The following CCDC141 variants were observed in gnomAD, a reference collection of about 807,000 sequenced individuals.
CCDC141 encodes coiled-coil domain containing 141.
CCDC141 carries 168 observed loss-of-function variants against 181.0 expected under a neutral mutation model. The ratio of observed to expected loss-of-function variants is 0.93; its 90% CI spans 0.82 to 1.05. CCDC141 has a LOEUF of 1.05. Ranked by LOEUF, CCDC141 falls within the 50% of genes least tolerant of loss-of-function variation. The pLI, the probability that CCDC141 is intolerant of heterozygous loss-of-function variation, is 0.00. For synonymous variants in CCDC141, 666 were observed against 642.3 expected (o/e 1.04, Z -0.56); for missense variants, 1,902 against 1,788.5 (o/e 1.06, Z -1.14).
At chr2:178,994,370 G>A (rs1186404083) in intron 2 of CCDC141, among the ~76,000 whole-genome samples, 3 of 152,226 alleles carry the variant, frequency 2.0e-5, no homozygotes, top group Non-Finnish European at 4.4e-5. Context: ...CAAGGTTTCA[G>A]GTTTGCACCT....
At chr2:179,013,354 A>C (rs1187616677) in intron 2 of CCDC141, among the ~76,000 whole-genome samples, 1 of 152,006 alleles carries the variant, frequency 6.6e-6, no homozygotes, top group Admixed American at 6.6e-5. Flanking sequence ...CAAGAACTAA[A>C]CCCCTTTTAC....
chr2:178,837,339 A>G lies in CCDC141; in HGVS notation c.3880T>C (p.Phe1294Leu). The G allele has an allele frequency of 6.2e-7, 1 of 1,614,074 alleles. No homozygotes were observed. Among genetic ancestry groups the G allele is most frequent in the Non-Finnish European group, 8.5e-7 (1 of 1,179,984 alleles). ...SSHFERPYLQ[F>L]KAEPPLTSRG... ...GAGGTTAGTGGGGGCTCAGCTTTGA[A>G]CTGGAGGTAAGGCCTCTCAAAATGA... Residue 1294 changes from phenylalanine (F) to leucine (L), a missense_variant, in exon 23 of 24, where the codon TTC becomes CTC. Physicochemically the swap from Phe to Leu is conservative, Grantham distance 22. Coordinates refer to ENST00000443758, the MANE Select transcript of CCDC141 (RefSeq NM_173648.4).
chr2:178,959,098 A>G (rs1345288634), intron 5 of CCDC141, among the ~76,000 whole-genome samples: 1 of 150,200 alleles, frequency 6.7e-6, no homozygotes, highest in African/African-American at 2.4e-5. Context: ...AACAATGAGA[A>G]CACTTGGACA....
chr2:178,842,184 G>A (rs114260344), intron 22 of CCDC141, among the ~76,000 whole-genome samples: 1,800 of 152,252 alleles, frequency 0.012, 11 homozygotes, highest in Non-Finnish European at 0.017. Flanking sequence ...AAAATAGCTG[G>A]GAAACTCTGA....
rs185405369 is a variant in CCDC141, at chr2:178,846,571, C to T, written c.3358-829G>A. Among the ~76,000 whole-genome samples the T allele has an allele frequency of 2.1e-3, 317 of 152,298 alleles. 1 individual carries two copies. The highest frequency in any genetic ancestry group is 7.1e-3 in the African/African-American group (296 of 41,556). Reference sequence around the variant, plus strand: ...TACTGGGGAGATTCTGCTTTCAGTCCCAACTCTAAACCGAACTGGTTTGTG... The same window carrying T: ...TACTGGGGAGATTCTGCTTTCAGTCTCAACTCTAAACCGAACTGGTTTGTG... On this transcript the variant is annotated intron_variant, in intron 21 of 23. Transcript: ENST00000443758.
At chr2:179,014,813 G>T in intron 2 of CCDC141, among the ~76,000 whole-genome samples, 1 of 151,650 alleles carries the variant, frequency 6.6e-6, no homozygotes, top group African/African-American at 2.4e-5. Flanking sequence ...ACACTTCTAC[G>T]CTGCTGGTGG....
intron 12 of CCDC141, chr2:178,874,435 A>G (rs866482567): frequency 6.6e-6 from 1 of 152,332 alleles, no homozygotes; most frequent in East Asian, 1.9e-4. Context: ...ATGATAACCT[A>G]AGTTTATTTA....
intron 14 of CCDC141, among the ~76,000 whole-genome samples, chr2:178,870,113 T>C (rs1307218992): frequency 6.6e-6 from 1 of 150,712 alleles, no homozygotes; most frequent in Non-Finnish European, 1.5e-5. Context: ...ACACCTGTAA[T>C]CCCAGCTACC....
Position 178,970,400 on chromosome 2 carries a change from G to A in CCDC141, c.526+4657C>T, listed in dbSNP as rs142862757. ...ACAACGCTACGGTAAACAAAACAGC[G>A]TGATACTGGTACCAAAACAGATATA... On this transcript the variant is annotated intron_variant, in intron 4 of 23. Coordinates refer to ENST00000443758, the MANE Select transcript of CCDC141 (RefSeq NM_173648.4). 3.8e-3 allele frequency among the ~76,000 whole-genome samples: 576 copies of A among 152,202 alleles called. 2 individuals are homozygous for A. The highest frequency in any genetic ancestry group is 0.024 in the Middle Eastern group (7 of 294).
At chr2:178,887,691 A>G (rs1013644202) in intron 9 of CCDC141, among the ~76,000 whole-genome samples, 7 of 152,208 alleles carry the variant, frequency 4.6e-5, no homozygotes, top group Non-Finnish European at 8.8e-5. Flanking sequence ...TTCTGGATTA[A>G]TAACAGGTGA....
intron 18 of CCDC141, 76 bp downstream of exon 18, chr2:178,856,181 T>C: frequency 1.5e-6 from 2 of 1,331,262 alleles, no homozygotes; most frequent in Non-Finnish European, 2.0e-6. Flanking sequence ...AGATTTGAAA[T>C]TCAAAACAAT....
At position 178,980,779 on chromosome 2, in the gene CCDC141, T is replaced by C. The variant is rs150076434; in HGVS notation, c.226-2104A>G. 1.0e-3 allele frequency among the ~76,000 whole-genome samples: 153 copies of C among 152,308 alleles called. 1 individual carries two copies. Among genetic ancestry groups the C allele is most frequent in the African/African-American group, 3.4e-3 (141 of 41,556 alleles). On this transcript the variant is annotated intron_variant, in intron 2 of 23. Coordinates refer to ENST00000443758, the MANE Select transcript of CCDC141 (RefSeq NM_173648.4). ...GTCAATTAGCTCAATTAATTTAACA[T>C]GTGTTAATTATTTTGCAATGTATAC... is the stretch of plus-strand genomic sequence containing the variant.
At chr2:178,848,380 T>C (rs1335007415) in intron 21 of CCDC141, among the ~76,000 whole-genome samples, 1 of 152,168 alleles carries the variant, frequency 6.6e-6, no homozygotes, top group Non-Finnish European at 1.5e-5. Flanking sequence ...GTGTTGTGAA[T>C]GTGAAGATGA....
At chr2:178,826,273 C>G (rs1294610927), downstream of CCDC141, among the ~76,000 whole-genome samples, 1 of 152,170 alleles carries the variant, frequency 6.6e-6, no homozygotes, top group Non-Finnish European at 1.5e-5. Context: ...ATACCTAGAA[C>G]AAATCCCACG....
chr2:178,890,350 AC>A (rs557659408), intron 8 of CCDC141, among the ~76,000 whole-genome samples: 5 of 152,220 alleles, frequency 3.3e-5, no homozygotes, highest in African/African-American at 1.2e-4. Flanking sequence ...GGGCTATTTT[AC>A]CAACTAAACT....
At chr2:178,824,444 G>C in the CCDC141 span, among the ~76,000 whole-genome samples, 1 of 151,864 alleles carries the variant, frequency 6.6e-6, no homozygotes, top group Non-Finnish European at 1.5e-5. Context: ...CCAACATGGA[G>C]AAACACCATC....
intron 11 of CCDC141, among the ~76,000 whole-genome samples, chr2:178,882,702 C>G (rs549779312): frequency 3.3e-5 from 5 of 152,208 alleles, no homozygotes; most frequent in Non-Finnish European, 7.4e-5. Flanking sequence ...TATGGGAGAC[C>G]TAGCTGAAGC....
chr2:179,042,520 G>T (rs2043339769), intron 2 of CCDC141, among the ~76,000 whole-genome samples: 1 of 152,072 alleles, frequency 6.6e-6, no homozygotes, highest in South Asian at 2.1e-4. Context: ...GCTAATTTTT[G>T]TATTTTTAAT....
rs897107865 is a variant in CCDC141, at chr2:178,837,700, C to A, written c.3519G>T (p.Gly1173=). ...TCAGGTCTTGTGGTAGTCGCTCTTCCCCTGTTCCATTGATGCCCAAAAGAT... is the reference window on the plus strand; with the variant it reads ...TCAGGTCTTGTGGTAGTCGCTCTTCACCTGTTCCATTGATGCCCAAAAGAT... ...VADLLGINGT[G]EERLPQDLKV... The change falls in exon 23 of 24, where the codon GGG becomes GGT. Residue 1173 remains glycine, a synonymous_variant. Coordinates refer to ENST00000443758, the MANE Select transcript of CCDC141 (RefSeq NM_173648.4). The A allele has an allele frequency of 1.8e-5, 29 of 1,613,572 alleles. No homozygotes were observed. The African/African-American group carries it at 3.7e-4, about 21-fold the overall frequency.
Sources: gnomAD v4.1 joint callset for allele counts (sites outside exome capture counted in the v4.1 genomes callset) on GRCh38, gnomAD v4.1.1 for gene constraint, MANE v1.5 for transcripts, NCBI Gene and HGNC (gene_info 2026-07-23, HGNC 2026-07-21) for gene names.